Variants in BMP2 observed in about 807,000 individuals in gnomAD.
The protein encoded by BMP2 is bone morphogenetic protein 2.
A neutral mutation model predicts 28.8 loss-of-function variants in BMP2; 2 were observed. The observed-to-expected ratio is 0.07, with a 90% CI of 0.03 to 0.22. The LOEUF is 0.22. Among genes scored for constraint, BMP2 ranks in the 10% least tolerant of loss-of-function variants. The pLI is 1.00. For synonymous variants in BMP2, 218 were observed against 204.3 expected (o/e 1.07, Z -0.57); for missense variants, 437 against 517.7 (o/e 0.84, Z 1.51).
intron 2 of BMP2, among the ~76,000 whole-genome samples, chr20:6,773,326 C>G (rs1269542577): frequency 6.6e-6 from 1 of 152,244 alleles, no homozygotes; most frequent in East Asian, 1.9e-4. Context: ...AAAACCAATA[C>G]TTACCTGGTA....
At chr20:6,769,600 G>A (rs575235634) in intron 1 of BMP2, among the ~76,000 whole-genome samples, 1 of 131,904 alleles carries the variant, frequency 7.6e-6, no homozygotes, top group Admixed American at 8.0e-5. Flanking sequence ...TACAGGGTCT[G>A]GAAGCTATAA....
chr20:6,770,141 C>T lies in BMP2; in HGVS notation c.15C>T (p.Thr5=). The part of the protein sequence containing the change: MVAG[T]RCLLALLLPQ... Reference sequence around the variant, plus strand: ...GCAGGTCGACCATGGTGGCCGGGACCCGCTGTCTTCTAGCGTTGCTGCTTC... The same window carrying T: ...GCAGGTCGACCATGGTGGCCGGGACTCGCTGTCTTCTAGCGTTGCTGCTTC... Residue 5 remains threonine, a synonymous_variant, in exon 2 of 3, where the codon ACC becomes ACT. Transcript: ENST00000378827. 1 of 1,552,216 alleles carries T rather than the reference C, an allele frequency of 6.4e-7. No individual in the cohort carries two copies. The highest frequency in any genetic ancestry group is 1.2e-5 in the South Asian group (1 of 84,822).
intron 1 of BMP2, 26 bp downstream of exon 1, chr20:6,768,901 G>C (rs1241963078): frequency 2.5e-6 from 1 of 398,392 alleles, no homozygotes. Context: ...CAGGGCCCGG[G>C]GTGGGTGGTG....
chr20:6,771,710 G>A (rs1600170862), intron 2 of BMP2, among the ~76,000 whole-genome samples: 1 of 152,184 alleles, frequency 6.6e-6, no homozygotes, highest in Non-Finnish European at 1.5e-5. Context: ...TACACATTAC[G>A]ACGGGGACAC....
At chr20:6,770,053 C>T in intron 1 of BMP2, 67 bp from the exon 2 acceptor site, 1 of 1,450,196 alleles carries the variant, frequency 6.9e-7, no homozygotes, top group African/African-American at 1.4e-5. Context: ...GGAGACCGGG[C>T]CGCGGGGGCG....
At chr20:6,775,039 C>T (rs1416178006) in intron 2 of BMP2, among the ~76,000 whole-genome samples, 1 of 152,144 alleles carries the variant, frequency 6.6e-6, no homozygotes, top group Non-Finnish European at 1.5e-5. Flanking sequence ...CTTAGAAGCT[C>T]ACAAACTCGG....
In BMP2 at chr20:6,778,866, T is replaced by C; in HGVS notation, c.968T>C (p.Phe323Ser). 1 of 1,614,106 alleles carries C rather than the reference T, an allele frequency of 6.2e-7. No homozygotes were observed. The highest frequency in any genetic ancestry group is 8.5e-7 in the Non-Finnish European group (1 of 1,180,018). ...WIVAPPGYHA[F>S]YCHGECPFPL... ...GTGGCTCCCCCGGGGTATCACGCCT[T>C]TTACTGCCACGGAGAATGCCCTTTT... The change falls in exon 3 of 3, where the codon TTT becomes TCT. Residue 323 changes from phenylalanine to serine, a missense_variant. This residue lies in a region of BMP2 where 74 missense variants were observed against 124.9 expected (regional missense o/e 0.59). Coordinates refer to ENST00000378827, the MANE Select transcript of BMP2 (RefSeq NM_001200.4). This position sits in a 1 kb window ranked among gnomAD's most constrained non-coding sequence, Gnocchi z 5.0.
chr20:6,771,709 C>T (rs1322663997), intron 2 of BMP2, among the ~76,000 whole-genome samples: 2 of 152,172 alleles, frequency 1.3e-5, no homozygotes, highest in Non-Finnish European at 2.9e-5. Context: ...CTACACATTA[C>T]GACGGGGACA....
At position 6,767,955 on chromosome 20, in the gene BMP2, C is replaced by T. The variant is rs79555803; in HGVS notation, c.-928C>T. On this transcript the variant is annotated 5_prime_UTR_variant, in exon 1 of 3. Coordinates refer to ENST00000378827, the MANE Select transcript of BMP2 (RefSeq NM_001200.4). ...CCACAGCGCCGTGGCCTCTGCTGCC[C>T]GGGCTGCGCCAGAGCCGCGGACGGG... 4.5e-3 allele frequency: 1,791 copies of T among 395,792 alleles called. 33 individuals are homozygous for T. Among genetic ancestry groups the T allele is most frequent in the African/African-American group, 0.033 (1,611 of 48,518 alleles). The allele number at this position is 395,792 out of a possible 1,614,324, so 24.5% of individuals were successfully genotyped here.
In BMP2 at chr20:6,767,729, G is replaced by C. The variant is rs1446703669; in HGVS notation, c.-1154G>C. 6.0e-6 allele frequency: 1 copy of C among 167,644 alleles called. No individual in the cohort carries two copies. The highest frequency in any genetic ancestry group is 2.4e-5 in the African/African-American group (1 of 41,584). 10.4% of individuals were successfully genotyped at this position (167,644 alleles called of 1,614,324 possible). A position where few individuals can be genotyped will look rare whatever the true frequency, so the allele number is the denominator to read the frequency against. On this transcript the variant is annotated 5_prime_UTR_variant, in exon 1 of 3. Transcript: ENST00000378827. The stretch of plus-strand genomic sequence containing the variant: ...GCCGCCGGAGTCCTCGCCCCGCCGC[G>C]CTGCGCCCGGCTCGCGCTGCGCTAG...
Position 6,778,942 on chromosome 20 carries a change from G to A in BMP2, c.1044G>A (p.Leu348=). ...NSTNHAIVQT[L]VNSVNSKIPK... is the part of the protein sequence containing the mutation. The stretch of plus-strand genomic sequence containing the variant: ...CTAATCATGCCATTGTTCAGACGTT[G>A]GTCAACTCTGTTAACTCTAAGATTC... Residue 348 remains leucine (L), a synonymous_variant, in exon 3 of 3, where the codon TTG becomes TTA. Coordinates refer to ENST00000378827, the MANE Select transcript of BMP2 (RefSeq NM_001200.4). The surrounding 1 kb of genome is among the most constrained non-coding windows in gnomAD (Gnocchi z 5.0). 2 of 1,613,788 alleles carry A rather than the reference G, an allele frequency of 1.2e-6. No individual in the cohort carries two copies. The highest frequency in any genetic ancestry group is 2.2e-5 in the East Asian group (1 of 44,870).
chr20:6,770,343 G>T lies in BMP2; in HGVS notation c.217G>T (p.Ala73Ser). The T allele has an allele frequency of 6.2e-7, 1 of 1,613,490 alleles. No individual in the cohort carries two copies. The highest frequency in any genetic ancestry group is 8.5e-7 in the Non-Finnish European group (1 of 1,179,956). ...ACAGAGACCCACCCCCAGCAGGGAC[G>T]CCGTGGTGCCCCCCTACATGCTAGA... ...LKQRPTPSRD[A>S]VVPPYMLDLY... The change falls in exon 2 of 3, where the codon GCC (alanine) becomes TCC (serine). Residue 73 changes from alanine to serine, a missense_variant. Physicochemically the swap from Ala to Ser is moderately conservative, Grantham distance 99. Around this residue, in one of 2 missense-constraint regions of BMP2, gnomAD observed 363 missense variants for 392.8 expected, o/e 0.92. Coordinates refer to ENST00000378827, the MANE Select transcript of BMP2 (RefSeq NM_001200.4).
chr20:6,769,085 C>A (rs981791909), intron 1 of BMP2, among the ~76,000 whole-genome samples: 1 of 152,236 alleles, frequency 6.6e-6, no homozygotes, highest in African/African-American at 2.4e-5. Flanking sequence ...TTCCACCCCT[C>A]TTTCTTCCCC....
intron 2 of BMP2, among the ~76,000 whole-genome samples, chr20:6,772,980 G>A (rs1013892046): frequency 1.3e-5 from 2 of 152,110 alleles, no homozygotes; most frequent in African/African-American, 2.4e-5. Flanking sequence ...AGTGTTTTGT[G>A]TATTGCTGTA....
In BMP2 at chr20:6,780,079, G is replaced by A. The variant is rs181538581; in HGVS notation, c.*990G>A. The A allele has an allele frequency of 3.8e-4, 58 of 152,692 alleles. No individual in the cohort carries two copies. The highest frequency in any genetic ancestry group is 1.4e-3 in the African/African-American group (57 of 41,546). The allele number at this position is 152,692 out of a possible 1,614,324, so 9.5% of individuals were successfully genotyped here. A position where few individuals can be genotyped will look rare whatever the true frequency, so the allele number is the denominator to read the frequency against. ...AGCTCTTTATTCTCCAAAGAACCCA[G>A]TTTTCTAACTTTTTGCCCAACACGC... On this transcript the variant is annotated 3_prime_UTR_variant, in exon 3 of 3. Coordinates refer to ENST00000378827, the MANE Select transcript of BMP2 (RefSeq NM_001200.4).
chr20:6,773,182 C>G (rs1986433896), intron 2 of BMP2, among the ~76,000 whole-genome samples: 1 of 152,220 alleles, frequency 6.6e-6, no homozygotes, highest in Admixed American at 6.5e-5. Flanking sequence ...GATTAACCCT[C>G]TTTCCACAAA....
At chr20:6,775,209 TAGA>T (rs1422436290) in intron 2 of BMP2, among the ~76,000 whole-genome samples, 2 of 152,224 alleles carry the variant, frequency 1.3e-5, no homozygotes, top group Non-Finnish European at 2.9e-5. Flanking sequence ...TGATGATTTA[TAGA>T]AGGTTTGTTT....
At chr20:6,774,197 T>C (rs1196065366) in intron 2 of BMP2, among the ~76,000 whole-genome samples, 2 of 151,916 alleles carry the variant, frequency 1.3e-5, no homozygotes, top group Non-Finnish European at 2.9e-5. Context: ...TTTTGAGTCC[T>C]CATGTATGTT....
At chr20:6,777,626 C>A (rs1873526749) in intron 2 of BMP2, among the ~76,000 whole-genome samples, 1 of 152,116 alleles carries the variant, frequency 6.6e-6, no homozygotes, top group Non-Finnish European at 1.5e-5. Context: ...AGAAGTAGAT[C>A]CCTGTAAATG....
Sources: allele counts gnomAD v4.1 joint callset (sites outside exome capture counted in the v4.1 genomes callset), GRCh38; gene constraint gnomAD v4.1.1; regional missense constraint gnomAD v4.1.1; non-coding constraint Gnocchi (gnomAD v3.1); transcripts MANE v1.5; gene names NCBI Gene and HGNC (gene_info 2026-07-23, HGNC 2026-07-21).